The following LITAF variants were observed in gnomAD, a reference collection of about 807,000 sequenced individuals.
The protein encoded by LITAF is lipopolysaccharide-induced tumor necrosis factor-alpha factor.
In LITAF, 9 loss-of-function variants were observed where a neutral mutation model predicts 14.5. The ratio of observed to expected loss-of-function variants is 0.62; its 90% CI spans 0.37 to 1.08. LITAF has a LOEUF of 1.08. LITAF is among the 50% of genes least tolerant of loss of function. The pLI, the probability that LITAF is intolerant of heterozygous loss-of-function variation, is 0.01. For missense variants in LITAF, 206 were observed against 213.4 expected, an observed-to-expected ratio of 0.97 and a Z score of 0.22; for synonymous variants, 98 against 88.2, an observed-to-expected ratio of 1.11 and a Z score of -0.62.
At chr16:11,621,683 G>A (rs1268355166) in intron 3 of LITAF, among the ~76,000 whole-genome samples, 1 of 152,038 alleles carries the variant, frequency 6.6e-6, no homozygotes, top group Non-Finnish European at 1.5e-5. Context: ...TGAATTCCCC[G>A]GCAGGATGCA....
intron 3 of LITAF, among the ~76,000 whole-genome samples, chr16:11,604,157 C>A (rs1252304793): frequency 6.6e-6 from 1 of 151,922 alleles, no homozygotes; most frequent in African/African-American, 2.4e-5. Flanking sequence ...TAGTGAGACA[C>A]TGGAGGGGTA....
upstream of LITAF, among the ~76,000 whole-genome samples, chr16:11,590,127 TAAA>T (rs61198634): frequency 8.1e-5 from 7 of 86,200 alleles, 2 homozygotes; most frequent in Non-Finnish European, 1.5e-4. Flanking sequence ...ACCCCATCTC[TAAA>T]AAAAAAAAAA....
At position 11,549,775 on chromosome 16, in the gene LITAF, G is replaced by A. The variant is rs9935945; in HGVS notation, c.378-30C>T. ...GAGGAGAGAGAGACACACGGAGCGCGTTACTGATCACAACAGGGTGAACAC... is the reference window on the plus strand; with the variant it reads ...GAGGAGAGAGAGACACACGGAGCGCATTACTGATCACAACAGGGTGAACAC... On this transcript the variant is annotated intron_variant, in intron 3 of 3. Transcript: ENST00000622633. The surrounding 1 kb of genome is among the most constrained non-coding windows in gnomAD (Gnocchi z 4.6). 0.14 allele frequency: 222,610 copies of A among 1,552,474 alleles called. 17,638 individuals carry two copies. Among genetic ancestry groups the A allele is most frequent in the African/African-American group, 0.32 (23,637 of 73,718 alleles).
At chr16:11,584,590 C>T (rs927787600) in intron 1 of LITAF, among the ~76,000 whole-genome samples, 1 of 152,192 alleles carries the variant, frequency 6.6e-6, no homozygotes, top group Admixed American at 6.5e-5. Context: ...TGAACTATGT[C>T]CTCATGTTCC....
At position 11,552,980 on chromosome 16, in the gene LITAF, C is replaced by T. The variant is rs570750701; in HGVS notation, c.377+553G>A. Among the ~76,000 whole-genome samples the T allele has an allele frequency of 2.6e-4, 40 of 151,712 alleles. No individual in the cohort carries two copies. In the South Asian group the frequency reaches 7.1e-3, roughly 27 times the overall value. ...AGTACAAAATATTAGCCGGGCCTGA[C>T]GGTGCACACCTGTAATCCCAGCTAC... On this transcript the variant is annotated intron_variant, in intron 3 of 3. Coordinates refer to ENST00000622633, the MANE Select transcript of LITAF (RefSeq NM_001136472.2).
chr16:11,610,247 G>C (rs1050733262), intron 3 of LITAF, among the ~76,000 whole-genome samples: 4 of 152,322 alleles, frequency 2.6e-5, no homozygotes, highest in South Asian at 2.1e-4. Context: ...GATCTCTATC[G>C]GCAATCCCTA....
chr16:11,594,047 A>T (rs2064865862), intron 1 of LITAF, among the ~76,000 whole-genome samples: 1 of 152,014 alleles, frequency 6.6e-6, no homozygotes, highest in Admixed American at 6.6e-5. Context: ...TTATCCAGGC[A>T]TGGTGGCGCA....
At chr16:11,594,049 G>A (rs897520156) in intron 1 of LITAF, among the ~76,000 whole-genome samples, 5 of 152,020 alleles carry the variant, frequency 3.3e-5, no homozygotes, top group African/African-American at 1.2e-4. Context: ...ATCCAGGCAT[G>A]GTGGCGCACA....
intron 3 of LITAF, among the ~76,000 whole-genome samples, chr16:11,618,695 C>T (rs2141889844): frequency 6.6e-6 from 1 of 152,214 alleles, no homozygotes; most frequent in South Asian, 2.1e-4. Flanking sequence ...ATTAAAAACC[C>T]CCGCACTGGC....
intron 3 of LITAF, among the ~76,000 whole-genome samples, chr16:11,624,228 T>C (rs4781129): frequency 0.88 from 133,416 of 152,210 alleles, 58,579 homozygotes; most frequent in East Asian, 1. Flanking sequence ...CTCAGAGGGG[T>C]AAAGAGGGCC....
intron 3 of LITAF, among the ~76,000 whole-genome samples, chr16:11,550,166 C>G (rs1347394219): frequency 6.6e-6 from 1 of 152,110 alleles, no homozygotes; most frequent in African/African-American, 2.4e-5. Context: ...AGGGTTCAAG[C>G]AATTCTCCCT....
chr16:11,594,023 AAT>A (rs1288873958), intron 1 of LITAF, among the ~76,000 whole-genome samples: 4 of 151,326 alleles, frequency 2.6e-5, no homozygotes, highest in African/African-American at 4.9e-5. Context: ...CATTAAAAAA[AAT>A]ATATACAAAA....
chr16:11,591,377 G>T (rs541847291), upstream of LITAF, among the ~76,000 whole-genome samples: 8 of 129,032 alleles, frequency 6.2e-5, 3 homozygotes, highest in South Asian at 9.6e-4. Context: ...TATAGATGTG[G>T]TCTCACTATG....
At position 11,556,679 on chromosome 16, in the gene LITAF, A is replaced by G. The variant is rs903261432; in HGVS notation, c.52T>C (p.Ser18Pro). Residue 18 changes from serine (S) to proline (P), a missense_variant, in exon 2 of 4, where the codon TCC becomes CCC. Ser to Pro is a moderately conservative substitution (Grantham distance 74). Coordinates refer to ENST00000622633, the MANE Select transcript of LITAF (RefSeq NM_001136472.2). ...QAATGPSSAP[S>P]APPSYEETVA... is the part of the protein sequence containing the mutation. The stretch of plus-strand genomic sequence containing the variant: ...GTCTCTTCATAGGATGGAGGTGCGG[A>G]TGGTGCTGAGGAAGGCCCAGTGGCC... 6.2e-7 allele frequency: 1 copy of G among 1,614,088 alleles called. No homozygotes were observed. The highest frequency in any genetic ancestry group is 1.1e-5 in the South Asian group (1 of 91,088).
At chr16:11,561,353 C>T (rs1465181443) in intron 1 of LITAF, 1 of 152,238 alleles carries the variant, frequency 6.6e-6, no homozygotes, top group Non-Finnish European at 1.5e-5. Context: ...AGTCAACACA[C>T]AGGTGTGGGG....
Position 11,594,882 on chromosome 16 carries a change from AT to A in LITAF, c.-6+3505del, listed in dbSNP as rs1314323854. ...CAGAGCAAGACTCCATCTCAAAAAA[AT>A]AAAAAAAAATAAAATAAAGTAAAAT... On this transcript the variant is annotated intron_variant, in intron 1 of 3. Transcript: ENST00000571627. Among the ~76,000 whole-genome samples, 27 of 88,202 alleles carry A rather than the reference AT, an allele frequency of 3.1e-4. No individual in the cohort carries two copies. In the East Asian group the frequency reaches 7.7e-3, roughly 25 times the overall value. The allele number at this position is 88,202 out of a possible 152,430, so 57.9% of individuals were successfully genotyped here.
chr16:11,619,522 T>C (rs1018121367), intron 3 of LITAF, among the ~76,000 whole-genome samples: 9 of 151,794 alleles, frequency 5.9e-5, no homozygotes, highest in African/African-American at 2.2e-4. Flanking sequence ...AGTATAATTA[T>C]TACAGCCACA....
rs2065124215 is a variant in LITAF, at chr16:11,632,801, T to A, written c.85+732A>T. Reference sequence around the variant, plus strand: ...CCCTCAGCCCCCGCACGGGTCAGAGTTTTCCGTGTGCCGCCTCCTCGTCCT... The same window carrying A: ...CCCTCAGCCCCCGCACGGGTCAGAGATTTCCGTGTGCCGCCTCCTCGTCCT... On this transcript the variant is annotated intron_variant, in intron 3 of 3. Transcript: ENST00000574848. The surrounding 1 kb of genome is among the most constrained non-coding windows in gnomAD (Gnocchi z 4.8). Among the ~76,000 whole-genome samples, 1 of 151,814 alleles carries A rather than the reference T, an allele frequency of 6.6e-6. No individual in the cohort carries two copies.
At chr16:11,631,627 G>C (rs1240888109) in intron 3 of LITAF, among the ~76,000 whole-genome samples, 1 of 152,150 alleles carries the variant, frequency 6.6e-6, no homozygotes, top group Non-Finnish European at 1.5e-5. Context: ...TGGGCTCAAA[G>C]GATTCACCCT....
Sources: allele counts gnomAD v4.1 joint callset (sites outside exome capture counted in the v4.1 genomes callset), GRCh38; gene constraint gnomAD v4.1.1; non-coding constraint Gnocchi (gnomAD v3.1); transcripts MANE v1.5; gene names NCBI Gene and HGNC (gene_info 2026-07-23, HGNC 2026-07-21).